GALNTL6: variants seen among roughly 807,000 people sequenced by gnomAD.
The protein encoded by GALNTL6 is polypeptide N-acetylgalactosaminyltransferase-like 6.
A neutral mutation model predicts 73.7 loss-of-function variants in GALNTL6; 46 were observed. The observed-to-expected ratio is 0.62, with a 90% CI of 0.49 to 0.80. GALNTL6 has a LOEUF of 0.80. Ranked by LOEUF, GALNTL6 falls within the 30% of genes least tolerant of loss-of-function variation. The pLI is 0.00. For synonymous variants in GALNTL6, 259 were observed against 263.7 expected, an observed-to-expected ratio of 0.98 and a Z score of 0.17; for missense variants, 604 against 755.0, an observed-to-expected ratio of 0.80 and a Z score of 2.34.
chr4:172,906,757 T>C (rs1746916807), intron 8 of GALNTL6, among the ~76,000 whole-genome samples: 1 of 152,226 alleles, frequency 6.6e-6, no homozygotes, highest in African/African-American at 2.4e-5. Flanking sequence ...TCCAGGGCCC[T>C]CTCATAGCAT....
chr4:171,817,925 T>C (rs1297071742), intron 2 of GALNTL6, among the ~76,000 whole-genome samples: 2 of 151,584 alleles, frequency 1.3e-5, no homozygotes, highest in East Asian at 1.9e-4. Context: ...TTTATTTAGA[T>C]GTTACATTAT....
chr4:172,728,005 T>C (rs1579403047), intron 5 of GALNTL6, among the ~76,000 whole-genome samples: 1 of 152,080 alleles, frequency 6.6e-6, no homozygotes, highest in African/African-American at 2.4e-5. Flanking sequence ...CTCCGCCTCC[T>C]GGGTTCAAGC....
chr4:172,734,814 C>A (rs1269010927), intron 5 of GALNTL6, among the ~76,000 whole-genome samples: 1 of 152,170 alleles, frequency 6.6e-6, no homozygotes, highest in Admixed American at 6.5e-5. Flanking sequence ...GCCCTGCATC[C>A]CAGCCGCTCC....
intron 2 of GALNTL6, among the ~76,000 whole-genome samples, chr4:171,822,576 C>T (rs574773933): frequency 6.6e-5 from 10 of 152,142 alleles, no homozygotes; most frequent in Admixed American, 3.3e-4. Context: ...CTTTTTAGAA[C>T]GTCCATTGAA....
In GALNTL6 at chr4:172,282,162, A is replaced by G. The variant is rs192261498; in HGVS notation, c.248-29452A>G. On this transcript the variant is annotated intron_variant, in intron 3 of 12. Transcript: ENST00000506823. ...CGGGGACTTATTCACAGTATATTTT[A>G]GGAACTCCTACAAATCAGTATGAAA... Among the ~76,000 whole-genome samples the G allele has an allele frequency of 2.0e-4, 30 of 152,350 alleles. No homozygotes were observed. The East Asian group carries it at 2.7e-3, about 14-fold the overall frequency.
At chr4:172,630,207 A>G (rs555572286) in intron 5 of GALNTL6, among the ~76,000 whole-genome samples, 3 of 152,210 alleles carry the variant, frequency 2.0e-5, no homozygotes, top group Non-Finnish European at 4.4e-5. Flanking sequence ...AAGAGAAAAC[A>G]TAACCATTAC....
intron 2 of GALNTL6, among the ~76,000 whole-genome samples, chr4:171,870,549 A>AT (rs70941373): frequency 1.7e-3 from 256 of 150,152 alleles, no homozygotes; most frequent in Admixed American, 2.2e-3. Context: ...TGTTAAGTGT[A>AT]TTTTTTTTTT....
intron 2 of GALNTL6, among the ~76,000 whole-genome samples, chr4:171,937,913 C>T (rs187026875): frequency 2.8e-3 from 425 of 152,024 alleles, no homozygotes; most frequent in Middle Eastern, 0.017. Flanking sequence ...ACAATCTGTC[C>T]GTGAATCTGT....
At chr4:171,856,932 T>C (rs929271332) in intron 2 of GALNTL6, among the ~76,000 whole-genome samples, 1 of 152,224 alleles carries the variant, frequency 6.6e-6, no homozygotes, top group Non-Finnish European at 1.5e-5. Context: ...TAAATACTTA[T>C]TGAGTACTTG....
intron 2 of GALNTL6, among the ~76,000 whole-genome samples, chr4:171,889,055 G>A (rs1449187450): frequency 6.6e-6 from 1 of 151,956 alleles, no homozygotes; most frequent in Non-Finnish European, 1.5e-5. Context: ...AAAAGAGAAA[G>A]AAAATCACAA....
intron 5 of GALNTL6, among the ~76,000 whole-genome samples, chr4:172,645,066 T>C (rs1740175637): frequency 6.6e-6 from 1 of 152,066 alleles, no homozygotes; most frequent in Admixed American, 6.6e-5. Flanking sequence ...CATTGATTTG[T>C]AGAAGTACTC....
At chr4:172,538,859 A>G (rs1341492037) in intron 5 of GALNTL6, among the ~76,000 whole-genome samples, 1 of 152,220 alleles carries the variant, frequency 6.6e-6, no homozygotes, top group Non-Finnish European at 1.5e-5. Flanking sequence ...ATATCGTTAT[A>G]TGAACAGAAA....
chr4:172,338,076 C>G (rs574153600), intron 4 of GALNTL6, among the ~76,000 whole-genome samples: 1 of 152,110 alleles, frequency 6.6e-6, no homozygotes, highest in Non-Finnish European at 1.5e-5. Flanking sequence ...TGAAAGTCTT[C>G]AACTGTATTT....
chr4:172,045,997 A>G (rs935105052), intron 2 of GALNTL6, among the ~76,000 whole-genome samples: 17 of 152,006 alleles, frequency 1.1e-4, no homozygotes, highest in African/African-American at 3.9e-4. Flanking sequence ...GTTCTGCAAT[A>G]CCATCCATGT....
At chr4:172,009,674 G>C (rs1272640658) in intron 2 of GALNTL6, among the ~76,000 whole-genome samples, 1 of 152,000 alleles carries the variant, frequency 6.6e-6, no homozygotes, top group Non-Finnish European at 1.5e-5. Context: ...TTACATTCCT[G>C]CTTCTGTTAA....
chr4:171,924,190 A>ACAC (rs1454809065), intron 2 of GALNTL6, among the ~76,000 whole-genome samples: 18 of 148,142 alleles, frequency 1.2e-4, no homozygotes, highest in Admixed American at 1.3e-4. Flanking sequence ...ACATACACAC[A>ACAC]CACACACACA....
At chr4:172,937,617 G>A (rs1391796659) in intron 9 of GALNTL6, among the ~76,000 whole-genome samples, 2 of 152,246 alleles carry the variant, frequency 1.3e-5, no homozygotes, top group Non-Finnish European at 2.9e-5. Flanking sequence ...TACTGTGCCA[G>A]TCAGTGTGCT....
chr4:171,966,591 G>A (rs1579014220), intron 2 of GALNTL6, among the ~76,000 whole-genome samples: 3 of 152,174 alleles, frequency 2.0e-5, no homozygotes, highest in African/African-American at 7.2e-5. Flanking sequence ...GGTGCTTAGG[G>A]AGGAAGGAGT....
At chr4:171,865,323 T>G (rs1735942145) in intron 2 of GALNTL6, among the ~76,000 whole-genome samples, 1 of 151,858 alleles carries the variant, frequency 6.6e-6, no homozygotes, top group East Asian at 1.9e-4. Flanking sequence ...GAAATACAGA[T>G]AGGGTGAGAT....
Sources: gnomAD v4.1 joint callset for allele counts (sites outside exome capture counted in the v4.1 genomes callset) on GRCh38, gnomAD v4.1.1 for gene constraint, MANE v1.5 for transcripts, NCBI Gene and HGNC (gene_info 2026-07-23, HGNC 2026-07-21) for gene names.